The following ULK4 variants were observed in gnomAD, a reference collection of about 807,000 sequenced individuals.
ULK4 encodes the protein unc-51 like kinase 4, also known as inactive serine/threonine-protein kinase ULK4.
Under a neutral mutation model 160.6 loss-of-function variants are expected in ULK4, and 133 were observed. The observed-to-expected ratio is 0.83, with a 90% CI of 0.72 to 0.96. The LOEUF (loss-of-function observed/expected upper bound fraction) is 0.96. ULK4 is among the 40% of genes least tolerant of loss of function. ULK4 has a pLI of 0.00. For synonymous variants in ULK4, 534 were observed against 539.8 expected, an observed-to-expected ratio of 0.99 and a Z score of 0.15; for missense variants, 1,580 against 1,499.5, an observed-to-expected ratio of 1.05 and a Z score of -0.89.
intron 31 of ULK4, among the ~76,000 whole-genome samples, chr3:41,570,329 C>A (rs942153363): frequency 3.3e-5 from 5 of 152,150 alleles, no homozygotes; most frequent in Admixed American, 1.3e-4. Flanking sequence ...TTCACTGACA[C>A]CAGCTTAAGA....
At chr3:41,657,233 G>A (rs1446396212) in intron 30 of ULK4, among the ~76,000 whole-genome samples, 1 of 152,104 alleles carries the variant, frequency 6.6e-6, no homozygotes, top group African/African-American at 2.4e-5. Context: ...ATATGACTAA[G>A]TTTTGAGGGC....
chr3:41,938,447 G>A lies in ULK4; in HGVS notation c.139-250C>T, dbSNP rs142437745. Among the ~76,000 whole-genome samples the A allele has an allele frequency of 6.8e-3, 1,033 of 152,250 alleles. 10 individuals are homozygous for A. Among genetic ancestry groups the A allele is most frequent in the African/African-American group, 0.024 (991 of 41,548 alleles). ...AACAATCCCAGCACTTTGGGAGGCC[G>A]AGGTGGGTTGGATCACTTGAGGTCA... is the stretch of plus-strand genomic sequence containing the variant. On this transcript the variant is annotated intron_variant, in intron 2 of 36. Coordinates refer to ENST00000301831, the MANE Select transcript of ULK4 (RefSeq NM_017886.4).
intron 34 of ULK4, among the ~76,000 whole-genome samples, chr3:41,431,564 A>ATTTTTTTTTTTTTTTT (rs2082911283): frequency 3.3e-4 from 10 of 30,330 alleles, no homozygotes; most frequent in African/African-American, 1.3e-3. Context: ...TTTTTTTTTG[A>ATTTTTTTTTTTTTTTT]TGTGGAAAGA....
intron 34 of ULK4, among the ~76,000 whole-genome samples, chr3:41,418,745 C>T (rs2082591443): frequency 6.6e-6 from 1 of 152,158 alleles, no homozygotes; most frequent in Non-Finnish European, 1.5e-5. Flanking sequence ...TGGTGGAGAA[C>T]TTGAAGTCTC....
chr3:41,468,213 G>C, intron 32 of ULK4, among the ~76,000 whole-genome samples: 1 of 152,018 alleles, frequency 6.6e-6, no homozygotes, highest in East Asian at 1.9e-4. Context: ...CTAAAAACTA[G>C]GTAACAGTTA....
chr3:41,825,176 T>C (rs148606290), intron 18 of ULK4, among the ~76,000 whole-genome samples: 8,879 of 150,940 alleles, frequency 0.059, 823 homozygotes, highest in African/African-American at 0.21. Context: ...ATCACCATCA[T>C]CAAAGACCAA....
chr3:41,399,835 T>C (rs2082142563), intron 34 of ULK4, among the ~76,000 whole-genome samples: 3 of 152,150 alleles, frequency 2.0e-5, no homozygotes, highest in Non-Finnish European at 2.9e-5. Context: ...ACTCCTGGGC[T>C]CAAGCAATCC....
intron 30 of ULK4, among the ~76,000 whole-genome samples, chr3:41,657,752 G>A (rs1379142338): frequency 6.8e-6 from 1 of 146,176 alleles, no homozygotes; most frequent in African/African-American, 2.6e-5. Context: ...GGAAGTGAAG[G>A]TTACAGTGAG....
chr3:41,681,707 T>C (rs771899283), intron 28 of ULK4, 46 bp downstream of exon 28: 44 of 1,613,230 alleles, frequency 2.7e-5, no homozygotes, highest in East Asian at 1.3e-4. Context: ...AGAATGAAAA[T>C]AGAATGTGTA....
intron 19 of ULK4, among the ~76,000 whole-genome samples, chr3:41,812,594 C>A (rs758948043): frequency 3.4e-4 from 52 of 152,138 alleles, no homozygotes; most frequent in Non-Finnish European, 6.9e-4. Context: ...ATGTGCCACT[C>A]CTTAGAGGTT....
chr3:41,823,018 G>A (rs1442764165), intron 18 of ULK4, among the ~76,000 whole-genome samples: 6 of 136,616 alleles, frequency 4.4e-5, no homozygotes, highest in East Asian at 2.0e-4. Flanking sequence ...CACCACGCCC[G>A]GCCGAGATTT....
chr3:41,568,781 T>C (rs1280886369), intron 31 of ULK4, among the ~76,000 whole-genome samples: 1 of 152,178 alleles, frequency 6.6e-6, no homozygotes, highest in East Asian at 1.9e-4. Flanking sequence ...GAGCGTTCTC[T>C]ACTTCAACTC....
chr3:41,593,214 C>T (rs191182391), intron 31 of ULK4, among the ~76,000 whole-genome samples: 16 of 152,280 alleles, frequency 1.1e-4, no homozygotes, highest in African/African-American at 2.4e-4. Context: ...GACAAGAAAA[C>T]ACAACTACCC....
chr3:41,387,024 A>G (rs1047673539), intron 35 of ULK4, among the ~76,000 whole-genome samples: 3 of 152,140 alleles, frequency 2.0e-5, no homozygotes, highest in East Asian at 1.9e-4. Context: ...GTCTTGCTCA[A>G]TATCTCAGGA....
chr3:41,601,909 C>A (rs1490820431), intron 31 of ULK4, among the ~76,000 whole-genome samples: 2 of 152,026 alleles, frequency 1.3e-5, no homozygotes, highest in Admixed American at 6.6e-5. Flanking sequence ...TTAGTGAAAT[C>A]TGGGCTGGAC....
At chr3:41,790,192 A>T (rs142509182) in intron 20 of ULK4, among the ~76,000 whole-genome samples, 1 of 152,246 alleles carries the variant, frequency 6.6e-6, no homozygotes, top group African/African-American at 2.4e-5. Flanking sequence ...GTAAAAGTGA[A>T]TATCTAACAT....
In ULK4 at chr3:41,574,528, CCTCT is replaced by C. The variant is rs1254019056; in HGVS notation, c.3121-8402_3121-8399del. Among the ~76,000 whole-genome samples, 89 of 106,310 alleles carry C rather than the reference CCTCT, an allele frequency of 8.4e-4. 4 individuals are homozygous for C. The highest frequency in any genetic ancestry group is 5.5e-3 in the Middle Eastern group (1 of 182). 69.7% of individuals were successfully genotyped at this position (106,310 alleles called of 152,430 possible). ...TCACCTCCACTACTGCTACCAGAGTCCTCTTTTTTTTTTTTTTTTTTTTTTTTTT... is the reference window on the plus strand; with the variant it reads ...TCACCTCCACTACTGCTACCAGAGTCTTTTTTTTTTTTTTTTTTTTTTTTT... On this transcript the variant is annotated intron_variant, in intron 31 of 36. Coordinates refer to ENST00000301831, the MANE Select transcript of ULK4 (RefSeq NM_017886.4).
At position 41,935,859 on chromosome 3, in the gene ULK4, C is replaced by G; in HGVS notation, c.320G>C (p.Ser107Thr). The G allele has an allele frequency of 6.2e-7, 1 of 1,613,904 alleles. No individual in the cohort carries two copies. Among genetic ancestry groups the G allele is most frequent in the South Asian group, 1.1e-5 (1 of 91,044 alleles). The change falls in exon 4 of 37, where the codon AGT becomes ACT. Residue 107 changes from serine (S) to threonine (T), a missense_variant. By Grantham distance (58) the Ser-to-Thr change is moderately conservative. Coordinates refer to ENST00000301831, the MANE Select transcript of ULK4 (RefSeq NM_017886.4). ...VVREFGIDLISGLHHLHKLGI... is the reference protein window; with the variant it reads ...VVREFGIDLITGLHHLHKLGI... Reference sequence around the variant, plus strand: ...AAGTTTATGAAGATGATGTAATCCACTAATCAGGTCAATTCCAAATTCTCT... The same window carrying G: ...AAGTTTATGAAGATGATGTAATCCAGTAATCAGGTCAATTCCAAATTCTCT...
chr3:41,476,863 C>T (rs2084162447), intron 32 of ULK4, among the ~76,000 whole-genome samples: 1 of 152,172 alleles, frequency 6.6e-6, no homozygotes, highest in Non-Finnish European at 1.5e-5. Context: ...AGTTTAAACA[C>T]TGAGATAAAT....
Sources: gnomAD v4.1 joint callset for allele counts (sites outside exome capture counted in the v4.1 genomes callset) on GRCh38, gnomAD v4.1.1 for gene constraint, MANE v1.5 for transcripts, NCBI Gene and HGNC (gene_info 2026-07-23, HGNC 2026-07-21) for gene names.